Variants in SH3BGRL2 observed in about 807,000 individuals in gnomAD.
SH3BGRL2 encodes the protein SH3 domain-binding glutamic acid-rich-like protein 2.
A neutral mutation model predicts 14.8 loss-of-function variants in SH3BGRL2; 21 were observed. That is an observed-to-expected ratio of 1.42 (90% CI 1.01 to 2.05). SH3BGRL2 has a LOEUF of 2.05. Ranked by LOEUF, SH3BGRL2 falls within the 30% of genes most tolerant of loss-of-function variation. The pLI, the probability that SH3BGRL2 is intolerant of heterozygous loss-of-function variation, is 0.00. For missense variants in SH3BGRL2, 147 were observed against 130.8 expected (o/e 1.12, Z -0.61); for synonymous variants, 50 against 47.8 (o/e 1.05, Z -0.19).
At chr6:79,623,855 A>G in the SH3BGRL2 span, among the ~76,000 whole-genome samples, 1 of 152,074 alleles carries the variant, frequency 6.6e-6, no homozygotes, top group Non-Finnish European at 1.5e-5. Flanking sequence ...AAATAATAAC[A>G]CTTTATGTTT....
chr6:79,673,587 A>G, intron 1 of SH3BGRL2, 27 bp from the exon 2 acceptor site: 1 of 1,606,982 alleles, frequency 6.2e-7, no homozygotes, highest in Non-Finnish European at 8.5e-7. Context: ...AAGCGTATCT[A>G]CTTATTTGTT....
At chr6:79,568,374 G>C in the SH3BGRL2 span, among the ~76,000 whole-genome samples, 1 of 152,126 alleles carries the variant, frequency 6.6e-6, no homozygotes, top group Non-Finnish European at 1.5e-5. Context: ...TTTATACAAT[G>C]AAATATTTAA....
At chr6:79,600,767 G>A in the SH3BGRL2 span, among the ~76,000 whole-genome samples, 1 of 152,122 alleles carries the variant, frequency 6.6e-6, no homozygotes, top group Non-Finnish European at 1.5e-5. Flanking sequence ...CCTTAATGCT[G>A]AGAAAAGCAC....
the SH3BGRL2 span, among the ~76,000 whole-genome samples, chr6:79,562,028 A>G: frequency 1.3e-5 from 2 of 152,178 alleles, no homozygotes. Context: ...TCTAGTGTCT[A>G]CAAGGCCTGA....
chr6:79,622,136 G>C, the SH3BGRL2 span, among the ~76,000 whole-genome samples: 1 of 152,106 alleles, frequency 6.6e-6, no homozygotes, highest in Admixed American at 6.5e-5. Flanking sequence ...ATTGCTGTTG[G>C]AAATTTCTCA....
chr6:79,697,535 C>T (rs111679588), intron 3 of SH3BGRL2, among the ~76,000 whole-genome samples: 2,891 of 152,292 alleles, frequency 0.019, 92 homozygotes, highest in African/African-American at 0.066. Flanking sequence ...GGCAGGGACC[C>T]TCAATAACAT....
chr6:79,630,130 C>T (rs1259723428), upstream of SH3BGRL2, among the ~76,000 whole-genome samples: 1 of 152,150 alleles, frequency 6.6e-6, no homozygotes, highest in Non-Finnish European at 1.5e-5. Context: ...TTAGGAGTGT[C>T]TCTTCTATTA....
chr6:79,609,384 A>ATGCT, the SH3BGRL2 span, among the ~76,000 whole-genome samples: 1 of 152,186 alleles, frequency 6.6e-6, no homozygotes, highest in Non-Finnish European at 1.5e-5. Context: ...GTCATGCCTG[A>ATGCT]TGCTGGCTTT....
At chr6:79,668,557 G>A (rs115021625) in intron 1 of SH3BGRL2, among the ~76,000 whole-genome samples, 2,562 of 152,196 alleles carry the variant, frequency 0.017, 72 homozygotes, top group African/African-American at 0.059. Context: ...CTGCTTCAAA[G>A]CACATCTGAG....
the SH3BGRL2 span, among the ~76,000 whole-genome samples, chr6:79,554,260 T>G: frequency 6.6e-6 from 1 of 152,178 alleles, no homozygotes; most frequent in African/African-American, 2.4e-5. Flanking sequence ...ATTATGATGG[T>G]TATCTAATGC....
the SH3BGRL2 span, among the ~76,000 whole-genome samples, chr6:79,606,442 A>G: frequency 6.6e-6 from 1 of 152,196 alleles, no homozygotes; most frequent in African/African-American, 2.4e-5. Context: ...CTTACATTAA[A>G]TTTCTCGTAC....
the SH3BGRL2 span, among the ~76,000 whole-genome samples, chr6:79,538,967 G>A: frequency 6.6e-6 from 1 of 152,128 alleles, no homozygotes; most frequent in Non-Finnish European, 1.5e-5. Flanking sequence ...TCCAAATTTC[G>A]TGGTTTCGGA....
chr6:79,595,149 A>G, the SH3BGRL2 span, among the ~76,000 whole-genome samples: 1 of 152,168 alleles, frequency 6.6e-6, no homozygotes, highest in Non-Finnish European at 1.5e-5. Flanking sequence ...AGCTGGGCAT[A>G]GCGGCCCATG....
rs141620002 is a variant in SH3BGRL2 at position 79,670,364 on chromosome 6, G to A, written c.46-3250G>A. 4.0e-3 allele frequency among the ~76,000 whole-genome samples: 608 copies of A among 152,336 alleles called. 9 individuals are homozygous for A. Among genetic ancestry groups the A allele is most frequent in the African/African-American group, 0.013 (557 of 41,578 alleles). On this transcript the variant is annotated intron_variant, in intron 1 of 3. Coordinates refer to ENST00000369838, the MANE Select transcript of SH3BGRL2 (RefSeq NM_031469.4). ...GGTGTGTAGTAGTGTTTGAATGTTA[G>A]GGTGAAATGCACTCTTCGTCCTTTT...
chr6:79,567,517 A>T, the SH3BGRL2 span, among the ~76,000 whole-genome samples: 1 of 152,226 alleles, frequency 6.6e-6, no homozygotes, highest in South Asian at 2.1e-4. Context: ...GTGAAAGAAG[A>T]CTGGGCTGCA....
the SH3BGRL2 span, among the ~76,000 whole-genome samples, chr6:79,583,799 A>T: frequency 1.3e-5 from 2 of 152,184 alleles, no homozygotes; most frequent in African/African-American, 4.8e-5. Context: ...CCATTTTTTT[A>T]AAAAAGTGGT....
At chr6:79,631,277 C>T (rs545902828), upstream of SH3BGRL2, 88 of 440,220 alleles carry the variant, frequency 2.0e-4, no homozygotes, top group South Asian at 3.5e-3. Context: ...CCCCTTCAGC[C>T]TGCGGCCGGG....
chr6:79,675,053 A>C (rs1769853556), intron 2 of SH3BGRL2, among the ~76,000 whole-genome samples: 1 of 152,182 alleles, frequency 6.6e-6, no homozygotes, highest in Admixed American at 6.5e-5. Flanking sequence ...CAAGGATATA[A>C]AATGTACTCT....
the SH3BGRL2 span, among the ~76,000 whole-genome samples, chr6:79,597,545 G>T: frequency 1.3e-5 from 2 of 152,230 alleles, no homozygotes; most frequent in African/African-American, 2.4e-5. Context: ...AAGAAATGGT[G>T]CTGAGACAAC....
Sources: allele counts gnomAD v4.1 joint callset (sites outside exome capture counted in the v4.1 genomes callset), GRCh38; gene constraint gnomAD v4.1.1; transcripts MANE v1.5; gene names NCBI Gene and HGNC (gene_info 2026-07-23, HGNC 2026-07-21).